The following ARID4A variants were observed in gnomAD, a reference collection of about 807,000 sequenced individuals.
ARID4A encodes AT-rich interaction domain 4A.
ARID4A carries 39 observed loss-of-function variants against 148.6 expected under a neutral mutation model. That is an observed-to-expected ratio of 0.26 (90% confidence interval 0.20 to 0.34). The LOEUF (loss-of-function observed/expected upper bound fraction) is 0.34. Ranked by LOEUF, ARID4A falls within the 10% of genes least tolerant of loss-of-function variation. The probability of loss-of-function intolerance (pLI) is 1.00; values close to 1 mark genes in which losing one functional copy is unlikely to be tolerated. For synonymous variants in ARID4A, 475 were observed against 481.2 expected, an observed-to-expected ratio of 0.99 and a Z score of 0.17; for missense variants, 1,265 against 1,449.1, an observed-to-expected ratio of 0.87 and a Z score of 2.06.
At chr14:58,335,385 C>A (rs1045468016) in intron 11 of ARID4A, among the ~76,000 whole-genome samples, 1 of 150,544 alleles carries the variant, frequency 6.6e-6, no homozygotes, top group Non-Finnish European at 1.5e-5. Flanking sequence ...GTGATCTCGG[C>A]TCACCACAAC....
chr14:58,346,041 C>A (rs1032406318), intron 12 of ARID4A, among the ~76,000 whole-genome samples: 4 of 151,770 alleles, frequency 2.6e-5, no homozygotes, highest in African/African-American at 9.6e-5. Context: ...CAGCCCTATG[C>A]CCAAGCGTCT....
chr14:58,352,410 A>G (rs555070405), intron 16 of ARID4A, among the ~76,000 whole-genome samples: 1 of 152,316 alleles, frequency 6.6e-6, no homozygotes, highest in African/African-American at 2.4e-5. Flanking sequence ...TGGACAAAAA[A>G]TTTAAGCAAA....
intron 4 of ARID4A, among the ~76,000 whole-genome samples, chr14:58,305,312 T>C (rs2031517542): frequency 1.3e-5 from 2 of 152,174 alleles, no homozygotes; most frequent in African/African-American, 4.8e-5. Flanking sequence ...TGTTGCTGTA[T>C]CTGAGGTGAT....
Position 58,364,914 on chromosome 14 carries a change from T to C in ARID4A, c.2825T>C (p.Leu942Pro). The C allele has an allele frequency of 6.2e-7, 1 of 1,614,088 alleles. No homozygotes were observed. The highest frequency in any genetic ancestry group is 1.1e-5 in the South Asian group (1 of 91,084). ...SPAEETVNIP[L>P]KEDEDAMPLI... ...GCTGAAGAAACTGTAAATATTCCAC[T>C]AAAAGAAGATGAGGATGCAATGCCT... The change falls in exon 20 of 24, where the codon CTA becomes CCA. Residue 942 changes from leucine (L) to proline (P), a missense_variant. Around this residue, in one of 9 missense-constraint regions of ARID4A, gnomAD observed 666 missense variants for 730.9 expected, o/e 0.91. Coordinates refer to ENST00000355431, the MANE Select transcript of ARID4A (RefSeq NM_002892.4).
At chr14:58,329,310 G>T (rs974091838) in intron 9 of ARID4A, among the ~76,000 whole-genome samples, 1 of 152,074 alleles carries the variant, frequency 6.6e-6, no homozygotes, top group South Asian at 2.1e-4. Context: ...TGAATGTGAG[G>T]CTCTCAATGT....
chr14:58,344,102 G>A (rs2034243168), intron 11 of ARID4A, among the ~76,000 whole-genome samples: 1 of 152,052 alleles, frequency 6.6e-6, no homozygotes, highest in Non-Finnish European at 1.5e-5. Context: ...GAGAAAACCA[G>A]GTTATTGTGA....
At chr14:58,328,364 T>C (rs767434411) in intron 9 of ARID4A, 48 bp downstream of exon 9, 4 of 1,242,050 alleles carry the variant, frequency 3.2e-6, no homozygotes, top group Non-Finnish European at 4.6e-6. Context: ...AAAAAAAAAA[T>C]AGAATTACAA....
intron 3 of ARID4A, among the ~76,000 whole-genome samples, chr14:58,302,657 A>G (rs1410660759): frequency 6.6e-6 from 1 of 151,816 alleles, no homozygotes; most frequent in Non-Finnish European, 1.5e-5. Flanking sequence ...GACTAAAAAT[A>G]TATATGTATA....
intron 18 of ARID4A, among the ~76,000 whole-genome samples, chr14:58,359,497 A>G (rs2035038504): frequency 6.6e-6 from 1 of 152,066 alleles, no homozygotes; most frequent in Non-Finnish European, 1.5e-5. Flanking sequence ...TTGGTGTTGT[A>G]TATTCTGTAG....
At chr14:58,365,647 T>C (rs1202679638) in intron 21 of ARID4A, 25 bp downstream of exon 21, 1 of 1,581,582 alleles carries the variant, frequency 6.3e-7, no homozygotes, top group South Asian at 1.1e-5. Flanking sequence ...ATGCTAGCTT[T>C]TGTATAGTGT....
chr14:58,324,346 G>T (rs1371857942), intron 8 of ARID4A, among the ~76,000 whole-genome samples: 1 of 152,232 alleles, frequency 6.6e-6, no homozygotes, highest in African/African-American at 2.4e-5. Flanking sequence ...CGTGAGCACA[G>T]CTCACTGCAG....
At chr14:58,336,136 G>A (rs141739937) in intron 11 of ARID4A, among the ~76,000 whole-genome samples, 10 of 151,814 alleles carry the variant, frequency 6.6e-5, no homozygotes, top group African/African-American at 1.9e-4. Flanking sequence ...AAAGCATATC[G>A]CGTAATACTA....
rs767093141 is a variant in ARID4A at position 58,351,297 on chromosome 14, T to A, written c.1629T>A (p.Asp543Glu). The change falls in exon 16 of 24, where the codon GAT becomes GAA. Residue 543 changes from aspartate to glutamate, a missense_variant. Transcript: ENST00000355431. ...AGGAGGATTCTGACAAAGACTCAGA[T>A]GAAGAGGAAGAGAAAAGCCAAGAGA... is the stretch of plus-strand genomic sequence containing the variant. The part of the protein sequence containing the change: ...KKQEDSDKDS[D>E]EEEEKSQERE... The A allele has an allele frequency of 1.9e-6, 3 of 1,602,952 alleles. No homozygotes were observed. The Admixed American group carries it at 5.3e-5, about 28-fold the overall frequency.
chr14:58,343,163 C>G (rs1176487763), intron 11 of ARID4A, among the ~76,000 whole-genome samples: 1 of 152,174 alleles, frequency 6.6e-6, no homozygotes. Context: ...GGGGAAAAAA[C>G]TGCCATCTCT....
chr14:58,347,789 C>G lies in ARID4A; in HGVS notation c.1315C>G (p.Pro439Ala), dbSNP rs1391032471. ...EEALKLDQEM[P>A]LTEVKSEPEE... ...GGCTCTCAAATTAGATCAAGAAATGCCTTTAACAGAAGTGAAGAGTGAACC... is the reference window on the plus strand; with the variant it reads ...GGCTCTCAAATTAGATCAAGAAATGGCTTTAACAGAAGTGAAGAGTGAACC... Residue 439 changes from proline to alanine, a missense_variant, in exon 15 of 24, where the codon CCT becomes GCT. Physicochemically the swap from Pro to Ala is conservative, Grantham distance 27. Coordinates refer to ENST00000355431, the MANE Select transcript of ARID4A (RefSeq NM_002892.4). The G allele has an allele frequency of 5.6e-6, 9 of 1,613,540 alleles. No homozygotes were observed. Among genetic ancestry groups the G allele is most frequent in the Non-Finnish European group, 7.6e-6 (9 of 1,179,692 alleles).
At chr14:58,322,981 ATAT>A (rs1343257697) in intron 7 of ARID4A, among the ~76,000 whole-genome samples, 1 of 103,726 alleles carries the variant, frequency 9.6e-6, no homozygotes, top group African/African-American at 4.1e-5. Flanking sequence ...AAAAAAAAAA[ATAT>A]ATATATATAT....
rs1166023658 is a variant in ARID4A at position 58,364,400 on chromosome 14, A to G, written c.2311A>G (p.Ile771Val). 13 of 1,611,706 alleles carry G rather than the reference A, an allele frequency of 8.1e-6. No individual in the cohort carries two copies. Among genetic ancestry groups the G allele is most frequent in the South Asian group, 1.1e-5 (1 of 90,108 alleles). Residue 771 changes from isoleucine (I) to valine (V), a missense_variant, in exon 20 of 24, where the codon ATT becomes GTT. Ile to Val is a conservative substitution (Grantham distance 29). Around this residue, in one of 9 missense-constraint regions of ARID4A, gnomAD observed 666 missense variants for 730.9 expected, o/e 0.91. Transcript: ENST00000355431. ...TGGAGAGAATGAACAAATAGTACAG[A>G]TTTTTGGGAACAAAATGGAAAAAAC... The part of the protein sequence containing the change: ...EVGENEQIVQ[I>V]FGNKMEKTEE...
intron 17 of ARID4A, among the ~76,000 whole-genome samples, chr14:58,358,744 A>C (rs1246556151): frequency 6.6e-6 from 1 of 152,184 alleles, no homozygotes. Flanking sequence ...TGCAAATTTG[A>C]ATTTATCTGA....
Position 58,359,229 on chromosome 14 carries a change from A to G in ARID4A, c.1938+13A>G. ...GAAAAAAGCTAAAGTATGTTTGTAGATTTATGTCCTTTATAATATGTATAG... is the reference window on the plus strand; with the variant it reads ...GAAAAAAGCTAAAGTATGTTTGTAGGTTTATGTCCTTTATAATATGTATAG... On this transcript the variant is annotated intron_variant, in intron 18 of 23. Coordinates refer to ENST00000355431, the MANE Select transcript of ARID4A (RefSeq NM_002892.4). The G allele has an allele frequency of 6.4e-7, 1 of 1,570,200 alleles. No individual in the cohort carries two copies. Among genetic ancestry groups the G allele is most frequent in the Non-Finnish European group, 8.6e-7 (1 of 1,164,082 alleles).
Sources: gnomAD v4.1 joint callset for allele counts (sites outside exome capture counted in the v4.1 genomes callset) on GRCh38, gnomAD v4.1.1 for gene constraint, gnomAD v4.1.1 regional missense constraint, MANE v1.5 for transcripts, NCBI Gene and HGNC (gene_info 2026-07-23, HGNC 2026-07-21) for gene names.